Variants in POLR1D observed in about 807,000 individuals in gnomAD.
POLR1D encodes DNA-directed RNA polymerases I and III subunit RPAC2.
In POLR1D, 8 loss-of-function variants were observed where a neutral mutation model predicts 10.8. The observed-to-expected ratio is 0.74, with a 90% CI of 0.43 to 1.33. The LOEUF (loss-of-function observed/expected upper bound fraction) is 1.33, where lower values mean the gene tolerates loss of function less well. Among genes scored for constraint, POLR1D ranks in the 40% most tolerant of loss-of-function variants. The pLI is 0.01. For missense variants in POLR1D, 152 were observed against 161.7 expected (o/e 0.94, Z 0.32); for synonymous variants, 54 against 57.2 (o/e 0.94, Z 0.25).
intron 2 of POLR1D, chr13:27,651,675 T>C (rs1956268541): frequency 6.6e-6 from 1 of 152,204 alleles, no homozygotes; most frequent in Non-Finnish European, 1.5e-5. Flanking sequence ...TGAATATTTA[T>C]ATTAATAGAT....
chr13:27,628,962 T>C lies in POLR1D; in HGVS notation c.26+6953T>C, dbSNP rs139138688. On this transcript the variant is annotated intron_variant, in intron 1 of 2. Coordinates refer to the POLR1D transcript ENST00000399697. ...TCCTGAGCAGCTGAGACTACAGGCA[T>C]GTGCCACCATGCCTGGCTAATTGTT... Among the ~76,000 whole-genome samples the C allele has an allele frequency of 4.1e-3, 619 of 152,222 alleles. 3 individuals are homozygous for C. The highest frequency in any genetic ancestry group is 0.014 in the African/African-American group (584 of 41,548).
chr13:27,625,395 A>G (rs1032431909), downstream of POLR1D, among the ~76,000 whole-genome samples: 1 of 152,158 alleles, frequency 6.6e-6, no homozygotes, highest in African/African-American at 2.4e-5. Context: ...TATATTTTAG[A>G]ATTGAATTGG....
At chr13:27,637,269 C>T (rs1423969132) in intron 1 of POLR1D, among the ~76,000 whole-genome samples, 1 of 152,314 alleles carries the variant, frequency 6.6e-6, no homozygotes, top group Non-Finnish European at 1.5e-5. Context: ...AGAGATTAGT[C>T]TCCATGAGCT....
At chr13:27,638,895 C>T (rs980756356) in intron 1 of POLR1D, among the ~76,000 whole-genome samples, 1 of 151,780 alleles carries the variant, frequency 6.6e-6, no homozygotes, top group African/African-American at 2.4e-5. Context: ...AAACTTCTCC[C>T]TCATTAAAAA....
upstream of POLR1D, chr13:27,621,879 T>A: frequency 8.1e-7 from 1 of 1,239,082 alleles, no homozygotes; most frequent in Non-Finnish European, 1.2e-6. Context: ...CTCCGCGCCT[T>A]CCGTCGGTCG....
chr13:27,626,377 C>T (rs558818002), downstream of POLR1D, among the ~76,000 whole-genome samples: 1 of 152,280 alleles, frequency 6.6e-6, no homozygotes, highest in African/African-American at 2.4e-5. Flanking sequence ...AGACTGATCA[C>T]GTAGAATGCA....
chr13:27,621,787 G>C (rs1955926411), upstream of POLR1D: 3 of 437,136 alleles, frequency 6.9e-6, no homozygotes, highest in Admixed American at 4.5e-5. Flanking sequence ...GCGTCGGGGC[G>C]GGGGCTGGGG....
intron 2 of POLR1D, among the ~76,000 whole-genome samples, chr13:27,649,521 T>G (rs1037186211): frequency 6.6e-6 from 1 of 152,210 alleles, no homozygotes; most frequent in African/African-American, 2.4e-5. Context: ...TCTGAAAATA[T>G]TATATAGTAG....
chr13:27,650,801 G>A (rs1042009496), intron 2 of POLR1D: 1 of 152,102 alleles, frequency 6.6e-6, no homozygotes, highest in Non-Finnish European at 1.5e-5. Flanking sequence ...CCTAAAATAT[G>A]TTAAAATCTG....
At chr13:27,627,468 A>G (rs866141655), downstream of POLR1D, among the ~76,000 whole-genome samples, 3 of 152,188 alleles carry the variant, frequency 2.0e-5, no homozygotes, top group South Asian at 4.1e-4. Context: ...AGCTGTACAC[A>G]TGAAAAAGAA....
rs933103477 is a variant in POLR1D at position 27,663,748 on chromosome 13, G to A, written c.102-1938G>A. Among the ~76,000 whole-genome samples, 10 of 147,572 alleles carry A rather than the reference G, an allele frequency of 6.8e-5. No homozygotes were observed. In the East Asian group the frequency reaches 2.1e-3, roughly 32 times the overall value. The stretch of plus-strand genomic sequence containing the variant: ...CTTCCTTGTTGTTTAATGCAGAGAA[G>A]AACTGGCCAGTTTACCACCACTGAG... On this transcript the variant is annotated intron_variant, in intron 2 of 2. Transcript: ENST00000399697. The surrounding 1 kb of genome is among the most constrained non-coding windows in gnomAD (Gnocchi z 4.1).
exon 3 of POLR1D, chr13:27,665,921 G>A: frequency 6.2e-7 from 1 of 1,614,238 alleles, no homozygotes; most frequent in Non-Finnish European, 8.5e-7. Flanking sequence ...GAGCAGCCAG[G>A]ACAAGTACGA....
chr13:27,630,878 C>T (rs1428354593), intron 1 of POLR1D, among the ~76,000 whole-genome samples: 1 of 152,204 alleles, frequency 6.6e-6, no homozygotes, highest in Non-Finnish European at 1.5e-5. Flanking sequence ...CCGCCTCCCC[C>T]ACCCTGCTGT....
chr13:27,659,935 T>C (rs1021514895), intron 2 of POLR1D, among the ~76,000 whole-genome samples: 12 of 141,794 alleles, frequency 8.5e-5, no homozygotes, highest in African/African-American at 2.5e-4. Context: ...TACACACACA[T>C]ACACACACAC....
At chr13:27,653,223 C>A (rs1425400984) in intron 2 of POLR1D, among the ~76,000 whole-genome samples, 1 of 152,030 alleles carries the variant, frequency 6.6e-6, no homozygotes, top group Non-Finnish European at 1.5e-5. Flanking sequence ...TCTTCATGTA[C>A]CCCATTGGCC....
intron 1 of POLR1D, among the ~76,000 whole-genome samples, chr13:27,631,971 A>G (rs1450789927): frequency 6.6e-6 from 1 of 152,200 alleles, no homozygotes; most frequent in Admixed American, 6.5e-5. Flanking sequence ...AACCATGCCT[A>G]TCCTGTGGCT....
chr13:27,626,485 G>A (rs1017472360), downstream of POLR1D, among the ~76,000 whole-genome samples: 7 of 152,198 alleles, frequency 4.6e-5, no homozygotes, highest in Non-Finnish European at 8.8e-5. Context: ...AAGGGGGCAG[G>A]CAGGTTAACC....
At chr13:27,633,471 C>G (rs1285777556) in intron 1 of POLR1D, among the ~76,000 whole-genome samples, 1 of 152,140 alleles carries the variant, frequency 6.6e-6, no homozygotes. Context: ...TTTTATTTTG[C>G]CCTTACTTTG....
At chr13:27,643,787 A>G (rs1454010957) in intron 1 of POLR1D, among the ~76,000 whole-genome samples, 1 of 152,192 alleles carries the variant, frequency 6.6e-6, no homozygotes, top group African/African-American at 2.4e-5. Context: ...TTCAGCACTG[A>G]TAATGTGTTG....
Sources: allele counts gnomAD v4.1 joint callset (sites outside exome capture counted in the v4.1 genomes callset), GRCh38; gene constraint gnomAD v4.1.1; non-coding constraint Gnocchi (gnomAD v3.1); transcripts MANE v1.5; gene names NCBI Gene and HGNC (gene_info 2026-07-23, HGNC 2026-07-21).